Variants in KIAA1671 observed in about 807,000 individuals in gnomAD.
KIAA1671 encodes uncharacterized protein KIAA1671.
A neutral mutation model predicts 131.2 loss-of-function variants in KIAA1671; 52 were observed. The ratio of observed to expected loss-of-function variants is 0.40; its 90% CI spans 0.32 to 0.50. The LOEUF is 0.50. Among genes scored for constraint, KIAA1671 ranks in the 20% least tolerant of loss-of-function variants. The pLI, the probability that KIAA1671 is intolerant of heterozygous loss-of-function variation, is 0.73. For missense variants in KIAA1671, 2,360 were observed against 2,364.2 expected (o/e 1.00, Z 0.04); for synonymous variants, 1,003 against 961.6 (o/e 1.04, Z -0.80).
chr22:25,072,981 G>T (rs1568940815), intron 6 of KIAA1671, among the ~76,000 whole-genome samples: 1 of 152,144 alleles, frequency 6.6e-6, no homozygotes, highest in Non-Finnish European at 1.5e-5. Context: ...ACTGCCCCTG[G>T]GCCCTGGTAA....
At position 25,170,927 on chromosome 22, in the gene KIAA1671, G is replaced by T. The variant is rs757902857; in HGVS notation, c.4638G>T (p.Gln1546His). The T allele has an allele frequency of 1.3e-6, 2 of 1,551,562 alleles. No homozygotes were observed. The highest frequency in any genetic ancestry group is 2.7e-5 in the African/African-American group (2 of 73,056). Reference sequence around the variant, plus strand: ...ATGGGACGTGGACAGAGCAGTGCCAGAGTGGGGAGAGGTAGGACGCGTGCG... The same window carrying T: ...ATGGGACGTGGACAGAGCAGTGCCATAGTGGGGAGAGGTAGGACGCGTGCG... ...SQYGTWTEQC[Q>H]SGESLATESP... is the part of the protein sequence containing the mutation. The change falls in exon 7 of 13, where the codon CAG becomes CAT. Residue 1546 changes from glutamine (Q) to histidine (H), a missense_variant. Coordinates refer to ENST00000358431, the MANE Select transcript of KIAA1671 (RefSeq NM_001145206.2).
At chr22:25,001,951 A>G (rs1291219359) in intron 1 of KIAA1671, among the ~76,000 whole-genome samples, 1 of 152,128 alleles carries the variant, frequency 6.6e-6, no homozygotes, top group Non-Finnish European at 1.5e-5. Context: ...ATAATCATGT[A>G]TGAGTCCACA....
chr22:25,190,703 T>C lies in KIAA1671; in HGVS notation c.5344T>C (p.Ser1782Pro). 1 of 1,551,342 alleles carries C rather than the reference T, an allele frequency of 6.4e-7. No individual in the cohort carries two copies. The highest frequency in any genetic ancestry group is 1.2e-5 in the South Asian group (1 of 84,048). ...CTCTTACTGGCTTTGTGGTTTCAGG[T>C]CGGATGAACCCTCTCCCCAGTGGCT... ...LPSSMDKDER[S>P]DEPSPQWLKE... The change falls in exon 12 of 13, where the codon TCG (serine) becomes CCG (proline). Residue 1782 changes from serine (S) to proline (P), a missense_variant and splice_region_variant. By Grantham distance (74) the Ser-to-Pro change is moderately conservative. Transcript: ENST00000358431.
rs1407061774 is a variant in KIAA1671 at position 25,040,088 on chromosome 22, C to T, written c.2958C>T (p.Ala986=). The T allele has an allele frequency of 1.3e-6, 2 of 1,551,606 alleles. No individual in the cohort carries two copies. The highest frequency in any genetic ancestry group is 1.7e-6 in the Non-Finnish European group (2 of 1,147,022). The change falls in exon 5 of 13, where the codon GCC becomes GCT. Residue 986 remains alanine, a synonymous_variant. Coordinates refer to ENST00000358431, the MANE Select transcript of KIAA1671 (RefSeq NM_001145206.2). ...ATTATGTGAGCCCCACAGCCAGTGCCTTAAGAAAACCTCAACTATCCCACT... is the reference window on the plus strand; with the variant it reads ...ATTATGTGAGCCCCACAGCCAGTGCTTTAAGAAAACCTCAACTATCCCACT... ...RTDYVSPTAS[A]LRKPQLSHYR...
chr22:25,175,439 A>G (rs1933988647), intron 8 of KIAA1671: 1 of 152,212 alleles, frequency 6.6e-6, no homozygotes, highest in South Asian at 2.1e-4. Flanking sequence ...GTATATGGCC[A>G]AGGTCTCTCG....
chr22:25,187,039 C>G (rs1934497264), intron 11 of KIAA1671, among the ~76,000 whole-genome samples: 1 of 152,324 alleles, frequency 6.6e-6, no homozygotes, highest in Middle Eastern at 3.4e-3. Context: ...GGGCCCTCTT[C>G]TTCCTCATTC....
At chr22:25,045,235 G>T (rs1927159376) in intron 5 of KIAA1671, among the ~76,000 whole-genome samples, 1 of 152,186 alleles carries the variant, frequency 6.6e-6, no homozygotes, top group South Asian at 2.1e-4. Context: ...ATTGAGCGTG[G>T]TGCATAAACT....
At chr22:25,156,698 T>C (rs958158357) in intron 6 of KIAA1671, among the ~76,000 whole-genome samples, 4 of 152,232 alleles carry the variant, frequency 2.6e-5, no homozygotes, top group African/African-American at 9.6e-5. Flanking sequence ...TGTGTGTATA[T>C]ACATGTATGT....
intron 6 of KIAA1671, among the ~76,000 whole-genome samples, chr22:25,082,860 C>G (rs1212691033): frequency 3.9e-5 from 6 of 152,044 alleles, no homozygotes; most frequent in African/African-American, 1.4e-4. Flanking sequence ...CAAAAAACAC[C>G]TGATATTTTA....
chr22:25,142,497 C>G (rs2145962947), intron 6 of KIAA1671, among the ~76,000 whole-genome samples: 1 of 152,264 alleles, frequency 6.6e-6, no homozygotes, highest in East Asian at 1.9e-4. Context: ...CCATCTTCGC[C>G]AGAGGGTCTG....
intron 6 of KIAA1671, among the ~76,000 whole-genome samples, chr22:25,148,602 T>C (rs1053418051): frequency 6.6e-6 from 1 of 152,278 alleles, no homozygotes. Flanking sequence ...CATCTTGTGA[T>C]GGGCCTGGTG....
intron 1 of KIAA1671, among the ~76,000 whole-genome samples, chr22:24,989,104 G>A (rs1923702553): frequency 6.6e-6 from 1 of 152,138 alleles, no homozygotes; most frequent in African/African-American, 2.4e-5. Flanking sequence ...TTTGGTTCTG[G>A]TTTCCCCTGG....
chr22:25,046,446 T>TCCCCTCC (rs1569215623), intron 5 of KIAA1671, among the ~76,000 whole-genome samples: 2 of 60,882 alleles, frequency 3.3e-5, no homozygotes, highest in African/African-American at 3.6e-4. Flanking sequence ...CTTCCTCTCT[T>TCCCCTCC]TTTCTCTGTT....
At chr22:25,135,049 A>C (rs1932612216) in intron 6 of KIAA1671, among the ~76,000 whole-genome samples, 1 of 152,184 alleles carries the variant, frequency 6.6e-6, no homozygotes, top group Admixed American at 6.5e-5. Context: ...GATTGATGTA[A>C]CATGACAGTA....
chr22:25,093,826 C>CTCTCTCTCTCTCTCTCTCTCTT (rs1930244988), intron 6 of KIAA1671, among the ~76,000 whole-genome samples: 1 of 89,336 alleles, frequency 1.1e-5, no homozygotes, highest in Non-Finnish European at 2.2e-5. Flanking sequence ...CTCTCTCTTT[C>CTCTCTCTCTCTCTCTCTCTCTT]TCTCTCTGTC....
intron 6 of KIAA1671, among the ~76,000 whole-genome samples, chr22:25,166,337 A>T (rs1245015535): frequency 6.6e-6 from 1 of 152,052 alleles, no homozygotes; most frequent in Admixed American, 6.5e-5. Flanking sequence ...CTGAATCCCA[A>T]ACCTCTGTGG....
intron 4 of KIAA1671, among the ~76,000 whole-genome samples, chr22:25,033,548 G>A (rs1926402790): frequency 8.8e-6 from 1 of 113,714 alleles, no homozygotes; most frequent in South Asian, 3.2e-4. Context: ...CAGAGTCTTA[G>A]TTGTTTTTTT....
At chr22:25,065,824 A>T (rs1052128210) in intron 6 of KIAA1671, among the ~76,000 whole-genome samples, 5 of 151,984 alleles carry the variant, frequency 3.3e-5, no homozygotes, top group African/African-American at 1.2e-4. Flanking sequence ...ACTTTTTAGT[A>T]GAGACGGGGT....
intron 6 of KIAA1671, among the ~76,000 whole-genome samples, chr22:25,070,661 G>C (rs575854433): frequency 6.6e-6 from 1 of 151,696 alleles, no homozygotes; most frequent in East Asian, 1.9e-4. Context: ...TCCTGGATCC[G>C]ATGTGGGCTT....
Sources: allele counts gnomAD v4.1 joint callset (sites outside exome capture counted in the v4.1 genomes callset), GRCh38; gene constraint gnomAD v4.1.1; transcripts MANE v1.5; gene names NCBI Gene and HGNC (gene_info 2026-07-23, HGNC 2026-07-21).